The following ARFGEF1 variants were observed in gnomAD, a reference collection of about 807,000 sequenced individuals.
The protein encoded by ARFGEF1 is ARF guanine nucleotide exchange factor 1.
ARFGEF1 carries 42 observed loss-of-function variants against 231.0 expected under a neutral mutation model. The ratio of observed to expected loss-of-function variants is 0.18; its 90% CI spans 0.14 to 0.24. The LOEUF is 0.24. ARFGEF1 is among the 10% of genes least tolerant of loss of function. The pLI, the probability that ARFGEF1 is intolerant of heterozygous loss-of-function variation, is 1.00. For synonymous variants in ARFGEF1, 710 were observed against 732.3 expected (o/e 0.97, Z 0.49); for missense variants, 1,345 against 2,192.0 (o/e 0.61, Z 7.72).
At chr8:67,196,034 G>A (rs1837873145), downstream of ARFGEF1, 1 of 154,650 alleles carries the variant, frequency 6.5e-6, no homozygotes. Flanking sequence ...TCTGTGTGAT[G>A]CAATCAAATG....
At chr8:67,192,730 G>C (rs1216462882), downstream of ARFGEF1, among the ~76,000 whole-genome samples, 1 of 152,136 alleles carries the variant, frequency 6.6e-6, no homozygotes, top group Admixed American at 6.6e-5. Flanking sequence ...TTTGCATGTG[G>C]CCATCCAGTT....
At chr8:67,336,227 T>TAC (rs1432479036) in intron 1 of ARFGEF1, among the ~76,000 whole-genome samples, 2 of 152,328 alleles carry the variant, frequency 1.3e-5, no homozygotes, top group Admixed American at 1.3e-4. Flanking sequence ...CAAGAGCCTC[T>TAC]ACTTATAACA....
Position 67,267,159 on chromosome 8 carries a change from G to A in ARFGEF1, c.1744C>T (p.Leu582=), listed in dbSNP as rs1157672266. Reference sequence around the variant, plus strand: ...GCAATTTTTGATAGATCATTTACTAGTCTTTCAAATATATTGGCTGCATTT... The same window carrying A: ...GCAATTTTTGATAGATCATTTACTAATCTTTCAAATATATTGGCTGCATTT... The part of the protein sequence containing the change: ...DLNAANIFER[L]VNDLSKIAQG... Residue 582 remains leucine (L), a synonymous_variant, in exon 12 of 39, where the codon CTA becomes TTA. Transcript: ENST00000262215. The A allele has an allele frequency of 6.2e-7, 1 of 1,612,774 alleles. No individual in the cohort carries two copies. The highest frequency in any genetic ancestry group is 8.5e-7 in the Non-Finnish European group (1 of 1,179,392).
chr8:67,208,460 T>C (rs917559865), intron 34 of ARFGEF1, among the ~76,000 whole-genome samples: 3 of 151,720 alleles, frequency 2.0e-5, no homozygotes, highest in Non-Finnish European at 4.4e-5. Flanking sequence ...CGAAACCCCA[T>C]CTCTACTAAA....
intron 5 of ARFGEF1, among the ~76,000 whole-genome samples, chr8:67,177,297 A>G (rs1471836798): frequency 6.6e-6 from 1 of 152,138 alleles, no homozygotes; most frequent in Non-Finnish European, 1.5e-5. Flanking sequence ...TCTGGAACTA[A>G]GTGCCTGGAA....
intron 34 of ARFGEF1, among the ~76,000 whole-genome samples, chr8:67,209,998 A>G (rs1427908229): frequency 6.6e-6 from 1 of 151,854 alleles, no homozygotes; most frequent in South Asian, 2.1e-4. Flanking sequence ...TAAAGAATAA[A>G]AAAAAAATTA....
chr8:67,201,363 A>C, intron 37 of ARFGEF1, 104 bp downstream of exon 37: 14 of 1,399,046 alleles, frequency 1.0e-5, no homozygotes, highest in Non-Finnish European at 1.3e-5. Context: ...AGGGGCATCC[A>C]GGCCCCAAAG....
downstream of ARFGEF1, among the ~76,000 whole-genome samples, chr8:67,196,694 G>A (rs1338122923): frequency 6.6e-6 from 1 of 152,098 alleles, no homozygotes; most frequent in East Asian, 1.9e-4. Flanking sequence ...AATTTGTTCT[G>A]TTGTCATCTG....
chr8:67,319,857 G>A (rs1807497584), intron 1 of ARFGEF1, among the ~76,000 whole-genome samples: 2 of 152,008 alleles, frequency 1.3e-5, no homozygotes, highest in Non-Finnish European at 2.9e-5. Context: ...AAAAAACAAC[G>A]AAATTTTTTA....
chr8:67,184,617 T>A (rs1833924181), intron 5 of ARFGEF1, among the ~76,000 whole-genome samples: 2 of 151,712 alleles, frequency 1.3e-5, no homozygotes, highest in Admixed American at 1.3e-4. Context: ...CCCAGCTATC[T>A]GGGAGGCTGA....
rs200528352 is a variant in ARFGEF1 at position 67,217,830 on chromosome 8, T to C, written c.4565A>G (p.Lys1522Arg). The change falls in exon 32 of 39, where the codon AAA becomes AGA. Residue 1522 changes from lysine (K) to arginine (R), a missense_variant. Transcript: ENST00000262215. ...GATATCCAGTGTGCAGTTGCAAGTT[T>C]TATCCCAGATTTCTAGGGTAAATTT... Reference protein sequence around the residue: ...GEKFTLEIWDKTCNCTLDIFK... With the variant: ...GEKFTLEIWDRTCNCTLDIFK... 72 of 1,613,966 alleles carry C rather than the reference T, an allele frequency of 4.5e-5. No homozygotes were observed. Among genetic ancestry groups the C allele is most frequent in the Non-Finnish European group, 4.0e-5 (47 of 1,179,968 alleles).
intron 1 of ARFGEF1, among the ~76,000 whole-genome samples, chr8:67,328,869 G>A (rs994963360): frequency 5.3e-5 from 8 of 152,130 alleles, no homozygotes; most frequent in African/African-American, 1.2e-4. Context: ...AGGAGAATCC[G>A]GTAGGAAATT....
chr8:67,283,979 A>G lies in ARFGEF1; in HGVS notation c.1027+3976T>C, dbSNP rs941846924. On this transcript the variant is annotated intron_variant, in intron 7 of 38. Transcript: ENST00000262215. ...TGACCCAATAATCTCATTTCTAGGA[A>G]TTTGCCCTCAAAATAAACTTCCATA... Among the ~76,000 whole-genome samples, 6 of 152,192 alleles carry G rather than the reference A, an allele frequency of 3.9e-5. No homozygotes were observed. In the South Asian group the frequency reaches 8.3e-4, roughly 21 times the overall value.
At chr8:67,238,626 G>A (rs923653060) in intron 21 of ARFGEF1, 109 bp downstream of exon 21, 13 of 1,442,674 alleles carry the variant, frequency 9.0e-6, no homozygotes, top group South Asian at 2.6e-5. Context: ...GTACTTATTC[G>A]AAATGTACTA....
Position 67,225,048 on chromosome 8 carries a change from G to T in ARFGEF1, c.4078-15C>A, listed in dbSNP as rs1330216039. 1.3e-6 allele frequency: 2 copies of T among 1,580,162 alleles called. No individual in the cohort carries two copies. Among genetic ancestry groups the T allele is most frequent in the Admixed American group, 1.9e-5 (1 of 53,728 alleles). ...TCCTTGAAAGCCTTCAAGAAAAAAG[G>T]TAGGGTTATTAAAGGCAAAACATAA... On this transcript the variant is annotated splice_polypyrimidine_tract_variant and intron_variant, in intron 28 of 38. Coordinates refer to ENST00000262215, the MANE Select transcript of ARFGEF1 (RefSeq NM_006421.5).
chr8:67,218,204 AAAAATAT>A (rs1331450025), intron 30 of ARFGEF1, 66 bp from the exon 31 acceptor site: 35 of 192,282 alleles, frequency 1.8e-4, no homozygotes, highest in African/African-American at 3.3e-4. Context: ...AAAAAAAAAA[AAAAATAT>A]ATATATATAT....
chr8:67,296,719 T>C (rs533273916), intron 4 of ARFGEF1, 109 bp from the exon 5 acceptor site: 12 of 822,304 alleles, frequency 1.5e-5, no homozygotes, highest in East Asian at 8.2e-5. Context: ...AGTGTGATCA[T>C]AGTTCACTGC....
At chr8:67,296,227 A>T (rs976019216) in intron 5 of ARFGEF1, among the ~76,000 whole-genome samples, 1 of 152,216 alleles carries the variant, frequency 6.6e-6, no homozygotes, top group Admixed American at 6.5e-5. Context: ...GAACAACTAA[A>T]AATACTTTGT....
intron 33 of ARFGEF1, among the ~76,000 whole-genome samples, chr8:67,213,962 G>A (rs1838837545): frequency 6.6e-6 from 1 of 152,192 alleles, no homozygotes; most frequent in Admixed American, 6.5e-5. Context: ...ACCATGAAAT[G>A]GAATGTGGCT....
Sources: gnomAD v4.1 joint callset for allele counts (sites outside exome capture counted in the v4.1 genomes callset) on GRCh38, gnomAD v4.1.1 for gene constraint, MANE v1.5 for transcripts, NCBI Gene and HGNC (gene_info 2026-07-23, HGNC 2026-07-21) for gene names.